Variants in MAMLD1 observed in about 807,000 individuals in gnomAD.
MAMLD1 encodes mastermind-like domain-containing protein 1.
In MAMLD1, 14 loss-of-function variants were observed where a neutral mutation model predicts 45.0. That is an observed-to-expected ratio of 0.31 (90% CI 0.21 to 0.49). The LOEUF is 0.49. Ranked by LOEUF, MAMLD1 falls within the 20% of genes least tolerant of loss-of-function variation. MAMLD1 has a pLI of 0.99. For missense variants in MAMLD1, 543 were observed against 603.6 expected (o/e 0.90, Z 1.05); for synonymous variants, 254 against 247.8 (o/e 1.02, Z -0.24).
chrX:150,463,704 AG>A (rs781784404), intron 3 of MAMLD1, among the ~76,000 whole-genome samples: 201 of 111,576 alleles, frequency 1.8e-3, no homozygotes, highest in African/African-American at 5.7e-3. Context: ...TTCTGGCAGA[AG>A]CCTGTTGAAG....
At chrX:150,472,219 C>T (rs1204855960) in intron 4 of MAMLD1, among the ~76,000 whole-genome samples, 1 of 112,082 alleles carries the variant, frequency 8.9e-6, no homozygotes, top group Non-Finnish European at 1.9e-5. Flanking sequence ...TCATGAAATG[C>T]AGCTGATTCC....
chrX:150,432,410 C>G (rs1314398318), intron 1 of MAMLD1, among the ~76,000 whole-genome samples: 5 of 111,577 alleles, frequency 4.5e-5, no homozygotes, highest in African/African-American at 1.6e-4. Flanking sequence ...TGCAGAAGTT[C>G]CTTAGTTTAA....
chrX:150,479,524 C>T (rs6627560), intron 5 of MAMLD1, among the ~76,000 whole-genome samples: 12,193 of 111,903 alleles, frequency 0.11, 622 homozygotes, highest in Non-Finnish European at 0.15. Context: ...GAAGTTAGGA[C>T]ACCCAAAATG....
chrX:150,364,358 G>A (rs782753188), intron 1 of MAMLD1, among the ~76,000 whole-genome samples: 1 of 113,313 alleles, frequency 8.8e-6, no homozygotes, highest in South Asian at 3.6e-4. Context: ...GTCTGATTCT[G>A]ATCCGTGATT....
At chrX:150,485,136 C>T (rs1237398255) in intron 5 of MAMLD1, among the ~76,000 whole-genome samples, 1 of 111,123 alleles carries the variant, frequency 9.0e-6, no homozygotes, top group Non-Finnish European at 1.9e-5. Flanking sequence ...CCCCTACATC[C>T]CACTTGCAAG....
At chrX:150,422,780 G>T (rs148840089) in intron 1 of MAMLD1, among the ~76,000 whole-genome samples, 3,246 of 111,428 alleles carry the variant, frequency 0.029, 55 homozygotes, top group Non-Finnish European at 0.045. Flanking sequence ...ACCAAGCTTT[G>T]CTATAAAAAA....
chrX:150,406,034 A>G (rs2033985904), intron 1 of MAMLD1, among the ~76,000 whole-genome samples: 1 of 111,298 alleles, frequency 9.0e-6, no homozygotes, highest in African/African-American at 3.3e-5. Context: ...GAGGAAGAGA[A>G]AGGTCTTGAA....
At chrX:150,386,289 C>T (rs1204959004) in intron 1 of MAMLD1, among the ~76,000 whole-genome samples, 1 of 111,585 alleles carries the variant, frequency 9.0e-6, no homozygotes, top group Non-Finnish European at 1.9e-5. Context: ...TGTAATCCTT[C>T]CAGACTTTCA....
intron 1 of MAMLD1, among the ~76,000 whole-genome samples, chrX:150,367,896 T>G (rs1358839245): frequency 1.8e-5 from 2 of 111,890 alleles, no homozygotes; most frequent in African/African-American, 6.5e-5. Flanking sequence ...AACTCATCCT[T>G]TTTTATGGCT....
intron 2 of MAMLD1, among the ~76,000 whole-genome samples, chrX:150,451,220 T>A (rs1265890065): frequency 1.8e-5 from 2 of 112,434 alleles, no homozygotes; most frequent in African/African-American, 6.5e-5. Context: ...TCTAAACTTT[T>A]AGGAGCCCAT....
intron 1 of MAMLD1, among the ~76,000 whole-genome samples, chrX:150,403,926 ACAGAG>A (rs2033892967): frequency 1.0e-3 from 80 of 78,554 alleles, no homozygotes; most frequent in East Asian, 5.9e-3. Context: ...AGAAAGAAAG[ACAGAG>A]AAAGAAAGAA....
rs200212837 is a variant in MAMLD1 at position 150,455,780 on chromosome X, C to CT, written c.97-6978dup. ...AGAAGGTTTTCTTCTTCTTCTTCTT[C>CT]TTTTTTTTTTTTTTGTATAATCAGA... On this transcript the variant is annotated intron_variant, in intron 2 of 7. Transcript: ENST00000370401. Among the ~76,000 whole-genome samples, 442 of 72,699 alleles carry CT rather than the reference C, an allele frequency of 6.1e-3. 6 individuals are homozygous for CT. Among genetic ancestry groups the CT allele is most frequent in the African/African-American group, 0.024 (387 of 16,275 alleles). The allele number at this position is 72,699 out of a possible 115,157, so 63.1% of individuals were successfully genotyped here. A position where few individuals can be genotyped will look rare whatever the true frequency, so the allele number is the denominator to read the frequency against.
chrX:150,401,488 A>G (rs1278061467), intron 1 of MAMLD1, among the ~76,000 whole-genome samples: 4 of 104,659 alleles, frequency 3.8e-5, no homozygotes, highest in African/African-American at 1.4e-4. Context: ...GAAAATGGCC[A>G]TACTGCCCAA....
At chrX:150,449,634 T>A (rs2035599829) in intron 2 of MAMLD1, among the ~76,000 whole-genome samples, 1 of 111,579 alleles carries the variant, frequency 9.0e-6, no homozygotes, top group African/African-American at 3.3e-5. Context: ...TGTGAGATTT[T>A]GAGCAGGTTT....
In MAMLD1 at chrX:150,429,592, G is replaced by A. The variant is rs144663734; in HGVS notation, c.-63-15862G>A. Among the ~76,000 whole-genome samples the A allele has an allele frequency of 3.4e-3, 377 of 110,821 alleles. 2 individuals are homozygous for A. The highest frequency in any genetic ancestry group is 0.012 in the African/African-American group (352 of 30,564). On this transcript the variant is annotated intron_variant, in intron 1 of 7. Coordinates refer to ENST00000370401, the MANE Select transcript of MAMLD1 (RefSeq NM_005491.5). ...GAAATTGATATTGCTACAGGTTTCC[G>A]TATAAAAATTTTAAAAATTTATAAG... is the stretch of plus-strand genomic sequence containing the variant.
chrX:150,495,206 AAAACAAACAAAC>A (rs201099079), intron 5 of MAMLD1, among the ~76,000 whole-genome samples: 1 of 104,123 alleles, frequency 9.6e-6, no homozygotes, highest in South Asian at 4.6e-4. Flanking sequence ...ATTCCGTCTC[AAAACAAACAAAC>A]AAACAAACAA....
At chrX:150,462,646 A>G (rs782660871) in intron 2 of MAMLD1, 126 bp from the exon 3 acceptor site, 77 of 549,657 alleles carry the variant, frequency 1.4e-4, no homozygotes, top group Non-Finnish European at 2.4e-4. Flanking sequence ...TCATAGATAT[A>G]TTTGGGGAGG....
chrX:150,368,347 G>C (rs782577824), intron 1 of MAMLD1, among the ~76,000 whole-genome samples: 1 of 108,016 alleles, frequency 9.3e-6, no homozygotes, highest in Non-Finnish European at 1.9e-5. Context: ...TGCTGGCTGC[G>C]TAAATGTCTT....
At chrX:150,507,217 G>A (rs1184020635) in intron 6 of MAMLD1, among the ~76,000 whole-genome samples, 2 of 112,525 alleles carry the variant, frequency 1.8e-5, no homozygotes, top group African/African-American at 3.2e-5. Context: ...AGCAGAAAGC[G>A]AGTGTCCCAG....
Sources: gnomAD v4.1 joint callset for allele counts (sites outside exome capture counted in the v4.1 genomes callset) on GRCh38, gnomAD v4.1.1 for gene constraint, MANE v1.5 for transcripts, NCBI Gene and HGNC (gene_info 2026-07-23, HGNC 2026-07-21) for gene names.